The following REV3L variants were observed in gnomAD, a reference collection of about 807,000 sequenced individuals.
REV3L encodes REV3 like, DNA directed polymerase zeta catalytic subunit, also known as DNA polymerase zeta catalytic subunit.
A neutral mutation model predicts 299.4 loss-of-function variants in REV3L; 69 were observed. That is an observed-to-expected ratio of 0.23 (90% CI 0.19 to 0.28). The LOEUF is 0.28. Ranked by LOEUF, REV3L falls within the 10% of genes least tolerant of loss-of-function variation. The probability of loss-of-function intolerance (pLI) is 1.00; values close to 1 mark genes in which losing one functional copy is unlikely to be tolerated. For missense variants in REV3L, 3,128 were observed against 3,693.8 expected (o/e 0.85, Z 3.97); for synonymous variants, 1,238 against 1,271.4 (o/e 0.97, Z 0.56).
intron 1 of REV3L, among the ~76,000 whole-genome samples, chr6:111,473,930 A>G (rs1792570962): frequency 6.6e-6 from 1 of 152,156 alleles, no homozygotes; most frequent in African/African-American, 2.4e-5. Context: ...ATACAAAATG[A>G]GTACATTTGA....
At chr6:111,384,485 T>C (rs1193852906) in intron 9 of REV3L, among the ~76,000 whole-genome samples, 1 of 151,846 alleles carries the variant, frequency 6.6e-6, no homozygotes, top group African/African-American at 2.4e-5. Context: ...GGCAGACAGG[T>C]GAAAAGATGC....
At chr6:111,403,223 A>C (rs17510641) in intron 4 of REV3L, among the ~76,000 whole-genome samples, 3,415 of 152,318 alleles carry the variant, frequency 0.022, 40 homozygotes, top group South Asian at 0.038. Flanking sequence ...AAGGTTGCTC[A>C]GGAGTGGGAA....
chr6:111,330,374 G>C (rs771303165), intron 24 of REV3L: 3 of 440,792 alleles, frequency 6.8e-6, no homozygotes, highest in Non-Finnish European at 1.4e-5. Flanking sequence ...AAAATCATTT[G>C]TATTCATCAA....
In REV3L at chr6:111,307,235, A is replaced by T. The variant is rs1772414142; in HGVS notation, c.9252+126T>A. The stretch of plus-strand genomic sequence containing the variant: ...TATTTTTGAGATTTTTAGGAAGTTT[A>T]TCATTTAGACTCTTCATTTCACTTT... On this transcript the variant is annotated intron_variant, in intron 31 of 31. Transcript: ENST00000368802. The T allele has an allele frequency of 4.1e-6, 3 of 733,892 alleles. No homozygotes were observed. In the East Asian group the frequency reaches 7.7e-5, roughly 19 times the overall value. 45.5% of individuals were successfully genotyped at this position (733,892 alleles called of 1,614,324 possible). A position where few individuals can be genotyped will look rare whatever the true frequency, so the allele number is the denominator to read the frequency against.
chr6:111,398,410 T>C (rs1042097441), intron 4 of REV3L, among the ~76,000 whole-genome samples: 2 of 151,384 alleles, frequency 1.3e-5, no homozygotes, highest in Non-Finnish European at 2.9e-5. Context: ...CTTTTACCCA[T>C]GTGGGGGGAA....
chr6:111,402,744 CAAG>C (rs1334778045), intron 4 of REV3L, among the ~76,000 whole-genome samples: 3 of 151,908 alleles, frequency 2.0e-5, no homozygotes, highest in Non-Finnish European at 2.9e-5. Context: ...ACCTCTGCTT[CAAG>C]AAGGTTGACA....
Position 111,358,791 on chromosome 6 carries a change from CAGGTATATCATTAATA to C in REV3L, c.7072+15_7072+30del. On this transcript the variant is annotated intron_variant, in intron 17 of 31. Transcript: ENST00000368802. ...ATTAAAACATTCACCCTAGAGTGGG[CAGGTATATCATTAATA>C]AAAATGGACAATACCTTGACTGAAA... 2 of 1,520,464 alleles carry C rather than the reference CAGGTATATCATTAATA, an allele frequency of 1.3e-6. No individual in the cohort carries two copies. Among genetic ancestry groups the C allele is most frequent in the African/African-American group, 2.7e-5 (2 of 73,318 alleles). The allele number at this position is 1,520,464 out of a possible 1,614,324, so 94.2% of individuals were successfully genotyped here.
At chr6:111,346,623 A>G (rs903123124) in intron 20 of REV3L, among the ~76,000 whole-genome samples, 7 of 152,140 alleles carry the variant, frequency 4.6e-5, no homozygotes, top group Admixed American at 1.3e-4. Flanking sequence ...AGCTGGGACT[A>G]TATGTGTGTG....
chr6:111,430,608 A>T, intron 1 of REV3L: 1 of 1,531,526 alleles, frequency 6.5e-7, no homozygotes, highest in Non-Finnish European at 9.0e-7. Flanking sequence ...CAGAACAGAC[A>T]CCTCGCAGAG....
At chr6:111,429,378 C>CA (rs981665344) in intron 1 of REV3L, among the ~76,000 whole-genome samples, 1 of 151,898 alleles carries the variant, frequency 6.6e-6, no homozygotes. Flanking sequence ...AACCACCTTA[C>CA]AAAAAAATGC....
intron 1 of REV3L, among the ~76,000 whole-genome samples, chr6:111,478,549 T>C (rs1040460558): frequency 6.6e-6 from 1 of 151,916 alleles, no homozygotes; most frequent in Non-Finnish European, 1.5e-5. Context: ...CAGATTCTAT[T>C]AGAGAAACTT....
chr6:111,471,576 T>C (rs1792216187), intron 1 of REV3L, among the ~76,000 whole-genome samples: 1 of 152,224 alleles, frequency 6.6e-6, no homozygotes, highest in Non-Finnish European at 1.5e-5. Flanking sequence ...TGTTACTATG[T>C]ATGCCAGACA....
chr6:111,322,497 A>T, intron 26 of REV3L, 72 bp downstream of exon 26: 1 of 1,108,466 alleles, frequency 9.0e-7, no homozygotes, highest in Non-Finnish European at 1.4e-6. Context: ...AGATTCCCTT[A>T]AGCCATTTTA....
At chr6:111,438,021 T>G (rs1787795941) in intron 1 of REV3L, among the ~76,000 whole-genome samples, 1 of 151,342 alleles carries the variant, frequency 6.6e-6, no homozygotes, top group Non-Finnish European at 1.5e-5. Flanking sequence ...CTAATTTTTT[T>G]TTTTTTATTT....
At chr6:111,395,019 T>C (rs1562247469) in intron 4 of REV3L, among the ~76,000 whole-genome samples, 1 of 152,152 alleles carries the variant, frequency 6.6e-6, no homozygotes, top group Non-Finnish European at 1.5e-5. Flanking sequence ...ACCAACACCA[T>C]GCTGATTTGG....
chr6:111,431,214 G>C (rs994642549), intron 1 of REV3L: 1 of 1,564,798 alleles, frequency 6.4e-7, no homozygotes, highest in African/African-American at 1.4e-5. Flanking sequence ...ATAGTTTACT[G>C]GATGTTTTAA....
At position 111,394,753 on chromosome 6, in the gene REV3L, G is replaced by C. The variant is rs530298106; in HGVS notation, c.566-1781C>G. 9.3e-5 allele frequency among the ~76,000 whole-genome samples: 14 copies of C among 150,956 alleles called. No individual in the cohort carries two copies. In the South Asian group the frequency reaches 2.5e-3, roughly 27 times the overall value. On this transcript the variant is annotated intron_variant, in intron 4 of 31. Transcript: ENST00000368802. Reference sequence around the variant, plus strand: ...CAGGGTCTCACTGTCATCCAGGCTGGAGTGCAGTGTATGATTATGGCTCAC... The same window carrying C: ...CAGGGTCTCACTGTCATCCAGGCTGCAGTGCAGTGTATGATTATGGCTCAC...
At chr6:111,477,934 T>C (rs978475853) in intron 1 of REV3L, among the ~76,000 whole-genome samples, 2 of 152,132 alleles carry the variant, frequency 1.3e-5, no homozygotes, top group African/African-American at 4.8e-5. Context: ...TGAAAAGAAG[T>C]AGACGGATTC....
chr6:111,428,818 T>C (rs552868133), intron 1 of REV3L, among the ~76,000 whole-genome samples: 1 of 152,200 alleles, frequency 6.6e-6, no homozygotes, highest in East Asian at 1.9e-4. Flanking sequence ...AAAAAGCTTA[T>C]TTCAAGAAAT....
Sources: allele counts gnomAD v4.1 joint callset (sites outside exome capture counted in the v4.1 genomes callset), GRCh38; gene constraint gnomAD v4.1.1; transcripts MANE v1.5; gene names NCBI Gene and HGNC (gene_info 2026-07-23, HGNC 2026-07-21).